The following LMBR1 variants were observed in gnomAD, a reference collection of about 807,000 sequenced individuals.
LMBR1 encodes the protein limb region 1 protein homolog.
In LMBR1, 52 loss-of-function variants were observed where a neutral mutation model predicts 73.9. That is an observed-to-expected ratio of 0.70 (90% CI 0.56 to 0.89). The LOEUF is 0.89. LMBR1 is among the 40% of genes least tolerant of loss of function. The probability of loss-of-function intolerance (pLI) is 0.00; values close to 1 mark genes in which losing one functional copy is unlikely to be tolerated. For missense variants in LMBR1, 539 were observed against 579.8 expected (o/e 0.93, Z 0.72); for synonymous variants, 215 against 209.4 (o/e 1.03, Z -0.23).
intron 5 of LMBR1, among the ~76,000 whole-genome samples, chr7:156,794,677 C>T (rs1829798679): frequency 6.6e-6 from 1 of 152,082 alleles, no homozygotes; most frequent in South Asian, 2.1e-4. Flanking sequence ...AAATATAGTT[C>T]ACACCAAGCT....
chr7:156,878,706 C>T (rs1244562290), intron 1 of LMBR1, among the ~76,000 whole-genome samples: 1 of 151,934 alleles, frequency 6.6e-6, no homozygotes, highest in Non-Finnish European at 1.5e-5. Flanking sequence ...AAAAACAATC[C>T]TAAAATTCAT....
intron 5 of LMBR1, among the ~76,000 whole-genome samples, chr7:156,785,783 A>G (rs553917558): frequency 4.1e-4 from 63 of 152,294 alleles, no homozygotes; most frequent in African/African-American, 1.5e-3. Flanking sequence ...AACTACTACT[A>G]TGTTCCAGAT....
At chr7:156,694,496 C>T (rs966354383) in intron 15 of LMBR1, among the ~76,000 whole-genome samples, 6 of 152,174 alleles carry the variant, frequency 3.9e-5, no homozygotes, top group Admixed American at 3.9e-4. Context: ...AAACTGAAAG[C>T]TTCTAAGATC....
intron 1 of LMBR1, among the ~76,000 whole-genome samples, chr7:156,869,870 G>A (rs1483661510): frequency 2.0e-5 from 3 of 152,160 alleles, no homozygotes; most frequent in South Asian, 2.1e-4. Flanking sequence ...GGGAAAAACC[G>A]TCACATGAAA....
At chr7:156,812,380 A>G (rs1430133837) in intron 4 of LMBR1, among the ~76,000 whole-genome samples, 1 of 152,112 alleles carries the variant, frequency 6.6e-6, no homozygotes, top group African/African-American at 2.4e-5. Flanking sequence ...AGCGCAGAGG[A>G]CTTTCTCCAG....
chr7:156,796,465 G>GA lies in LMBR1; in HGVS notation c.346dup (p.Ser116PhefsTer58). The GA allele has an allele frequency of 1.9e-6, 3 of 1,604,654 alleles. No homozygotes were observed. The highest frequency in any genetic ancestry group is 1.3e-5 in the African/African-American group (1 of 74,514). On this transcript the variant is annotated frameshift_variant, in exon 5 of 17. Transcript: ENST00000353442. LOFTEE classifies it high-confidence loss of function. ...CATCAATACAAATAAACAAAGGTTG[G>GA]AAAAAAGGGAAGCAAGATTCCACAA...
At chr7:156,825,958 A>T (rs1453175489) in intron 4 of LMBR1, among the ~76,000 whole-genome samples, 1 of 152,186 alleles carries the variant, frequency 6.6e-6, no homozygotes, top group Admixed American at 6.5e-5. Context: ...TAGCAAATAA[A>T]TAAAATAGAA....
At chr7:156,862,740 G>C (rs911326753) in intron 1 of LMBR1, among the ~76,000 whole-genome samples, 2 of 152,230 alleles carry the variant, frequency 1.3e-5, no homozygotes, top group Non-Finnish European at 2.9e-5. Context: ...ACATAATGTG[G>C]TTGGGCCTCA....
At chr7:156,889,930 G>A (rs991779109) in intron 1 of LMBR1, among the ~76,000 whole-genome samples, 2 of 152,164 alleles carry the variant, frequency 1.3e-5, no homozygotes, top group Non-Finnish European at 2.9e-5. Context: ...CCTGAGCCTT[G>A]GAAGTCAAGG....
At chr7:156,808,819 C>G (rs1253255143) in intron 4 of LMBR1, among the ~76,000 whole-genome samples, 1 of 152,030 alleles carries the variant, frequency 6.6e-6, no homozygotes, top group Non-Finnish European at 1.5e-5. Flanking sequence ...GGCTGCTCTG[C>G]CAATGAAATA....
intron 5 of LMBR1, 142 bp downstream of exon 5, chr7:156,796,247 G>A: frequency 1.7e-6 from 1 of 600,294 alleles, no homozygotes; most frequent in Non-Finnish European, 2.9e-6. Context: ...TACTGTTATT[G>A]TTAACAATGT....
At chr7:156,846,236 C>T (rs1795462526) in intron 1 of LMBR1, among the ~76,000 whole-genome samples, 1 of 152,046 alleles carries the variant, frequency 6.6e-6, no homozygotes, top group South Asian at 2.1e-4. Context: ...ATTGCTCATG[C>T]CACTGCACTC....
chr7:156,706,811 C>T (rs1409670690), intron 15 of LMBR1, among the ~76,000 whole-genome samples: 1 of 151,358 alleles, frequency 6.6e-6, no homozygotes, highest in Admixed American at 6.6e-5. Flanking sequence ...TAATGTCATA[C>T]CTCAAGGAAC....
chr7:156,824,349 T>G (rs1264594242), intron 4 of LMBR1, among the ~76,000 whole-genome samples: 1 of 152,142 alleles, frequency 6.6e-6, no homozygotes, highest in Non-Finnish European at 1.5e-5. Flanking sequence ...AATTATCTTC[T>G]ATACTTTCTC....
At chr7:156,865,983 T>C (rs761658455) in intron 1 of LMBR1, among the ~76,000 whole-genome samples, 3 of 151,998 alleles carry the variant, frequency 2.0e-5, no homozygotes, top group Non-Finnish European at 4.4e-5. Flanking sequence ...TGTAAAATTA[T>C]TGGAAGAAGG....
chr7:156,692,269 G>A (rs559983211), intron 15 of LMBR1, among the ~76,000 whole-genome samples: 288 of 152,218 alleles, frequency 1.9e-3, no homozygotes, highest in African/African-American at 6.2e-3. Flanking sequence ...TAGAGATGGG[G>A]TTTCACCATG....
At chr7:156,748,995 C>A (rs112200364) in intron 9 of LMBR1, among the ~76,000 whole-genome samples, 1 of 152,054 alleles carries the variant, frequency 6.6e-6, no homozygotes, top group African/African-American at 2.4e-5. Context: ...TTGTGAATAA[C>A]GGCCCAAGAA....
intron 4 of LMBR1, among the ~76,000 whole-genome samples, chr7:156,816,721 A>G (rs1388164070): frequency 6.6e-6 from 1 of 152,208 alleles, no homozygotes; most frequent in Non-Finnish European, 1.5e-5. Flanking sequence ...AGACATAATA[A>G]TGTATCTAAG....
At chr7:156,834,788 G>A (rs6946878) in intron 2 of LMBR1, among the ~76,000 whole-genome samples, 13,793 of 151,676 alleles carry the variant, frequency 0.091, 768 homozygotes, top group African/African-American at 0.16. Context: ...GCTCATGCCT[G>A]TCAGCAATCT....
Sources: allele counts gnomAD v4.1 joint callset (sites outside exome capture counted in the v4.1 genomes callset), GRCh38; gene constraint gnomAD v4.1.1; transcripts MANE v1.5; gene names NCBI Gene and HGNC (gene_info 2026-07-23, HGNC 2026-07-21).